PPP1R1A: variants seen among roughly 807,000 people sequenced by gnomAD.
PPP1R1A encodes protein phosphatase 1 regulatory subunit 1A.
In PPP1R1A, 18 loss-of-function variants were observed where a neutral mutation model predicts 23.9. The ratio of observed to expected loss-of-function variants is 0.75; its 90% confidence interval spans 0.52 to 1.12. The LOEUF (loss-of-function observed/expected upper bound fraction) is 1.12, where lower values mean the gene tolerates loss of function less well. Ranked by LOEUF, PPP1R1A falls within the 50% of genes most tolerant of loss-of-function variation. The pLI, the probability that PPP1R1A is intolerant of heterozygous loss-of-function variation, is 0.00. For synonymous variants in PPP1R1A, 84 were observed against 80.7 expected (o/e 1.04, Z -0.22); for missense variants, 207 against 223.8 (o/e 0.92, Z 0.48).
chr12:54,584,575 T>TG (rs1957890249), intron 1 of PPP1R1A, among the ~76,000 whole-genome samples: 1 of 151,898 alleles, frequency 6.6e-6, no homozygotes. Context: ...CAATAGACAC[T>TG]GGGGAATAAA....
At chr12:54,586,512 C>G (rs1957912907) in intron 1 of PPP1R1A, among the ~76,000 whole-genome samples, 1 of 152,188 alleles carries the variant, frequency 6.6e-6, no homozygotes, top group African/African-American at 2.4e-5. Context: ...ACTCTGTGCT[C>G]TATAACTCAG....
Position 54,579,980 on chromosome 12 carries a change from G to A in PPP1R1A, c.*407C>T. ...AGCTGCAGGGCAGGCCTGTGAGGTG[G>A]TCGGATCGTTCCTCAATAAGAAAAG... On this transcript the variant is annotated 3_prime_UTR_variant, in exon 7 of 7. Transcript: ENST00000257905. 2 of 1,004,690 alleles carry A rather than the reference G, an allele frequency of 2.0e-6. No individual in the cohort carries two copies. Among genetic ancestry groups the A allele is most frequent in the Non-Finnish European group, 2.4e-6 (2 of 841,310 alleles). The allele number at this position is 1,004,690 out of a possible 1,614,324, so 62.2% of individuals were successfully genotyped here.
intron 1 of PPP1R1A, among the ~76,000 whole-genome samples, chr12:54,587,305 G>A (rs1338630449): frequency 1.3e-5 from 2 of 152,314 alleles, no homozygotes; most frequent in Non-Finnish European, 2.9e-5. Context: ...GGTTGGGGGT[G>A]GCCAGCCAGA....
chr12:54,580,267 A>G lies in PPP1R1A; in HGVS notation c.*120T>C. The G allele has an allele frequency of 2.0e-6, 3 of 1,524,708 alleles. No homozygotes were observed. The highest frequency in any genetic ancestry group is 2.6e-6 in the Non-Finnish European group (3 of 1,134,254). The allele number at this position is 1,524,708 out of a possible 1,614,324, so 94.4% of individuals were successfully genotyped here. A position where few individuals can be genotyped will look rare whatever the true frequency, so the allele number is the denominator to read the frequency against. ...AGAAGGAAAGTGCCAAGGACCTAAC[A>G]CCAAATTTATCACTTTTTAAAAACA... On this transcript the variant is annotated 3_prime_UTR_variant, in exon 7 of 7. Coordinates refer to ENST00000257905, the MANE Select transcript of PPP1R1A (RefSeq NM_006741.4).
At chr12:54,588,379 C>T (rs755535444) in intron 1 of PPP1R1A, 26 bp downstream of exon 1, 8 of 1,489,318 alleles carry the variant, frequency 5.4e-6, no homozygotes, top group Non-Finnish European at 7.2e-6. Context: ...TGGGCGAGTG[C>T]CCTGCCGCCC....
In PPP1R1A at chr12:54,579,835, A is replaced by G; in HGVS notation, c.*552T>C. 1.0e-6 allele frequency: 1 copy of G among 985,750 alleles called. No homozygotes were observed. The highest frequency in any genetic ancestry group is 1.2e-6 in the Non-Finnish European group (1 of 830,266). The allele number at this position is 985,750 out of a possible 1,614,324, so 61.1% of individuals were successfully genotyped here. Reference sequence around the variant, plus strand: ...GCAGGCGAGGAGGTATCGGCACACCACCATACCCTCTTTCCCATGGGCCAA... The same window carrying G: ...GCAGGCGAGGAGGTATCGGCACACCGCCATACCCTCTTTCCCATGGGCCAA... On this transcript the variant is annotated 3_prime_UTR_variant, in exon 7 of 7. Coordinates refer to ENST00000257905, the MANE Select transcript of PPP1R1A (RefSeq NM_006741.4).
Position 54,588,256 on chromosome 12 carries a change from A to ACCCCCCCCC in PPP1R1A, c.84+140_84+148dup, listed in dbSNP as rs142801029. 110 of 181,564 alleles carry ACCCCCCCCC rather than the reference A, an allele frequency of 6.1e-4. 1 individual carries two copies. Among genetic ancestry groups the ACCCCCCCCC allele is most frequent in the South Asian group, 9.7e-4 (6 of 6,156 alleles). The allele number at this position is 181,564 out of a possible 1,614,324, so 11.2% of individuals were successfully genotyped here. A position where few individuals can be genotyped will look rare whatever the true frequency, so the allele number is the denominator to read the frequency against. The stretch of plus-strand genomic sequence containing the variant: ...CCGACGGTGGGGGAGGGGACAGAAG[A>ACCCCCCCCC]CCCCCCCCCGCCCCCCGCAAACTGA... On this transcript the variant is annotated intron_variant, in intron 1 of 6. Transcript: ENST00000257905.
chr12:54,580,299 T>C lies in PPP1R1A; in HGVS notation c.*88A>G, dbSNP rs568732426. 1.6e-4 allele frequency: 257 copies of C among 1,584,926 alleles called. No homozygotes were observed. The highest frequency in any genetic ancestry group is 2.6e-4 in the Admixed American group (14 of 54,254). On this transcript the variant is annotated 3_prime_UTR_variant, in exon 7 of 7. Transcript: ENST00000257905. Reference sequence around the variant, plus strand: ...TTATCACTTTTTAAAAACAAGAGATTTTCCCCAAAAGTGAAGGAATAAGAA... The same window carrying C: ...TTATCACTTTTTAAAAACAAGAGATCTTCCCCAAAAGTGAAGGAATAAGAA...
intron 1 of PPP1R1A, among the ~76,000 whole-genome samples, chr12:54,586,502 A>C (rs910588881): frequency 6.6e-6 from 1 of 151,984 alleles, no homozygotes; most frequent in Non-Finnish European, 1.5e-5. Flanking sequence ...ACCGCCTGCC[A>C]CTCTGTGCTC....
chr12:54,588,132 G>C (rs1322435814), intron 1 of PPP1R1A, among the ~76,000 whole-genome samples: 2 of 151,366 alleles, frequency 1.3e-5, no homozygotes, highest in Middle Eastern at 3.4e-3. Flanking sequence ...CCTCCCCCAG[G>C]ACTGGGGAGG....
At position 54,582,780 on chromosome 12, in the gene PPP1R1A, A is replaced by G. The variant is rs976703205; in HGVS notation, c.199T>C (p.Ser67Pro). 25 of 1,613,366 alleles carry G rather than the reference A, an allele frequency of 1.5e-5. No homozygotes were observed. Among genetic ancestry groups the G allele is most frequent in the Non-Finnish European group, 2.0e-5 (24 of 1,179,878 alleles). ...GTCATCTTCTTCCGTTGCCGTGGAG[A>G]CATTGCCAAAGTGGACTGTGAAGGG... ...NPHLKSTLAMSPRQRKKMTRI... is the reference protein window; with the variant it reads ...NPHLKSTLAMPPRQRKKMTRI... Residue 67 changes from serine to proline, a missense_variant, in exon 4 of 7, where the codon TCT becomes CCT. Coordinates refer to ENST00000257905, the MANE Select transcript of PPP1R1A (RefSeq NM_006741.4).
intron 1 of PPP1R1A, among the ~76,000 whole-genome samples, chr12:54,585,779 G>A (rs1486351308): frequency 6.8e-6 from 1 of 147,578 alleles, no homozygotes; most frequent in Non-Finnish European, 1.5e-5. Flanking sequence ...AAGCCTGAGG[G>A]GGGAACTCTT....
intron 1 of PPP1R1A, among the ~76,000 whole-genome samples, chr12:54,584,702 T>G (rs141912652): frequency 2.6e-4 from 39 of 152,136 alleles, no homozygotes; most frequent in Admixed American, 7.2e-4. Context: ...GTAACAAACC[T>G]GCACATGTAC....
intron 3 of PPP1R1A, 114 bp downstream of exon 3, chr12:54,583,097 C>A: frequency 8.6e-7 from 1 of 1,163,632 alleles, no homozygotes; most frequent in Admixed American, 2.8e-5. Context: ...GGTAGAGGTA[C>A]AGGGAAGCGG....
At position 54,579,543 on chromosome 12, in the gene PPP1R1A, C is replaced by T; in HGVS notation, c.*844G>A. 1.0e-6 allele frequency: 1 copy of T among 985,400 alleles called. No homozygotes were observed. The highest frequency in any genetic ancestry group is 1.2e-6 in the Non-Finnish European group (1 of 829,986). The allele number at this position is 985,400 out of a possible 1,614,324, so 61.0% of individuals were successfully genotyped here. ...CCTCTCTCCCACTACCTGGGAAAAT[C>T]AAAAACAGCAGCAGGAGAGAGGCCT... On this transcript the variant is annotated 3_prime_UTR_variant, in exon 7 of 7. Coordinates refer to ENST00000257905, the MANE Select transcript of PPP1R1A (RefSeq NM_006741.4).
intron 1 of PPP1R1A, among the ~76,000 whole-genome samples, chr12:54,584,886 C>A (rs1957893816): frequency 6.6e-6 from 1 of 152,150 alleles, no homozygotes; most frequent in African/African-American, 2.4e-5. Flanking sequence ...TCCACCTCCC[C>A]CTGGTCCTGG....
At chr12:54,587,244 A>G (rs780074931) in intron 1 of PPP1R1A, among the ~76,000 whole-genome samples, 3 of 152,198 alleles carry the variant, frequency 2.0e-5, no homozygotes, top group Non-Finnish European at 4.4e-5. Flanking sequence ...AACAAAAATG[A>G]CAAAAAACAC....
chr12:54,588,255 G>GACCC, intron 1 of PPP1R1A, 150 bp downstream of exon 1: 1 of 345,290 alleles, frequency 2.9e-6, no homozygotes, highest in Admixed American at 5.5e-5. Context: ...GGGGACAGAA[G>GACCC]ACCCCCCCCC....
At chr12:54,588,322 G>C (rs915145837) in intron 1 of PPP1R1A, 83 bp downstream of exon 1, 3 of 1,106,820 alleles carry the variant, frequency 2.7e-6, no homozygotes, top group Admixed American at 6.3e-5. Flanking sequence ...GGGAGGACTA[G>C]GCAGGGATCC....
Sources: gnomAD v4.1 joint callset for allele counts (sites outside exome capture counted in the v4.1 genomes callset) on GRCh38, gnomAD v4.1.1 for gene constraint, MANE v1.5 for transcripts, NCBI Gene and HGNC (gene_info 2026-07-23, HGNC 2026-07-21) for gene names.